The following MID1 variants were observed in gnomAD, a reference collection of about 807,000 sequenced individuals.
MID1 encodes midline 1.
In MID1, 7 loss-of-function variants were observed where a neutral mutation model predicts 40.4. That is an observed-to-expected ratio of 0.17 (90% CI 0.10 to 0.33). MID1 has a LOEUF of 0.33. MID1 is among the 10% of genes least tolerant of loss of function. The pLI is 1.00. For synonymous variants in MID1, 229 were observed against 221.2 expected (o/e 1.04, Z -0.31); for missense variants, 367 against 558.5 (o/e 0.66, Z 3.46).
chrX:10,819,638 T>C (rs2044161917), intron 1 of MID1, among the ~76,000 whole-genome samples: 1 of 111,905 alleles, frequency 8.9e-6, no homozygotes, highest in South Asian at 3.7e-4. Flanking sequence ...TCCATATTTG[T>C]TCTTTCTGGT....
Position 10,449,936 on chromosome X carries a change from G to A in MID1, c.1656-220C>T, listed in dbSNP as rs750630287. ...TGGAAAGTAGTGGGTGGAAAGAAGC[G>A]TCGTATTTACCCACATTTCTGTTTT... On this transcript the variant is annotated intron_variant, in intron 9 of 9. Transcript: ENST00000317552. Among the ~76,000 whole-genome samples the A allele has an allele frequency of 1.5e-4, 17 of 112,023 alleles. No individual in the cohort carries two copies. In the East Asian group the frequency reaches 1.7e-3, roughly 11 times the overall value.
At chrX:10,639,114 G>A (rs899249126) in intron 1 of MID1, among the ~76,000 whole-genome samples, 9 of 112,386 alleles carry the variant, frequency 8.0e-5, no homozygotes, top group African/African-American at 2.9e-4. Flanking sequence ...TCCTCCAAAG[G>A]AACGCAGGTC....
chrX:10,810,213 A>C (rs1293846092), intron 1 of MID1, among the ~76,000 whole-genome samples: 1 of 111,763 alleles, frequency 8.9e-6, no homozygotes, highest in Non-Finnish European at 1.9e-5. Flanking sequence ...TCTACTTTTT[A>C]TCTCTATGAA....
intron 1 of MID1, among the ~76,000 whole-genome samples, chrX:10,625,867 C>A (rs1935990273): frequency 9.0e-6 from 1 of 111,117 alleles, no homozygotes; most frequent in African/African-American, 3.3e-5. Flanking sequence ...AATAGAGGAA[C>A]CAACATAAAA....
At chrX:10,696,528 C>T (rs1289960525) in intron 1 of MID1, among the ~76,000 whole-genome samples, 1 of 111,787 alleles carries the variant, frequency 8.9e-6, no homozygotes, top group African/African-American at 3.3e-5. Context: ...CTACAACTCG[C>T]CTCAGTCTCT....
intron 1 of MID1, among the ~76,000 whole-genome samples, chrX:10,754,934 T>C (rs773533274): frequency 7.1e-5 from 8 of 112,545 alleles, no homozygotes; most frequent in African/African-American, 2.6e-4. Flanking sequence ...ACCCTTAAAA[T>C]ATGTTTTCGT....
chrX:10,810,390 A>G (rs1235107726), intron 1 of MID1, among the ~76,000 whole-genome samples: 2 of 111,958 alleles, frequency 1.8e-5, no homozygotes, highest in Admixed American at 9.5e-5. Context: ...TTGTATGGGT[A>G]TATCACATTT....
intron 1 of MID1, among the ~76,000 whole-genome samples, chrX:10,605,675 T>C (rs1047234743): frequency 8.9e-6 from 1 of 111,950 alleles, no homozygotes; most frequent in African/African-American, 3.2e-5. Context: ...TTATTTGCCA[T>C]GCTATGAAAC....
chrX:10,806,769 T>C (rs1199086127), intron 1 of MID1, among the ~76,000 whole-genome samples: 2 of 112,173 alleles, frequency 1.8e-5, no homozygotes, highest in African/African-American at 3.2e-5. Flanking sequence ...AACTGCTCCT[T>C]TCTGGTAACT....
chrX:10,506,370 G>T, intron 3 of MID1: 1 of 1,113,612 alleles, frequency 9.0e-7, no homozygotes, highest in Non-Finnish European at 1.2e-6. Flanking sequence ...GTACTGGGTA[G>T]GAAGTGAAAC....
At chrX:10,539,554 AAAC>A (rs1344694124) in intron 2 of MID1, among the ~76,000 whole-genome samples, 4 of 112,447 alleles carry the variant, frequency 3.6e-5, no homozygotes, top group Admixed American at 1.9e-4. Context: ...TCTGAATTCA[AAAC>A]AACAAGAACA....
chrX:10,520,123 A>C (rs1200567286), intron 3 of MID1, among the ~76,000 whole-genome samples: 1 of 112,087 alleles, frequency 8.9e-6, no homozygotes, highest in African/African-American at 3.2e-5. Context: ...TGAAATCTAT[A>C]AGAACTGGCT....
At chrX:10,609,720 T>C (rs925825773) in intron 1 of MID1, among the ~76,000 whole-genome samples, 10 of 99,266 alleles carry the variant, frequency 1.0e-4, no homozygotes, top group South Asian at 5.0e-4. Flanking sequence ...TCTTTCTTTT[T>C]TTTTTTTTTT....
chrX:10,692,495 T>C (rs2043137885), intron 1 of MID1, among the ~76,000 whole-genome samples: 1 of 110,887 alleles, frequency 9.0e-6, no homozygotes, highest in Non-Finnish European at 1.9e-5. Flanking sequence ...CGGGTGCCTA[T>C]AATCCCAGCT....
chrX:10,559,760 GC>G (rs1466149893), intron 2 of MID1, among the ~76,000 whole-genome samples: 2 of 111,549 alleles, frequency 1.8e-5, no homozygotes, highest in Non-Finnish European at 3.8e-5. Context: ...CTGTTGGAAT[GC>G]CCTACTAGAC....
intron 1 of MID1, among the ~76,000 whole-genome samples, chrX:10,822,919 C>T (rs181400211): frequency 8.9e-5 from 10 of 111,751 alleles, no homozygotes; most frequent in African/African-American, 3.3e-4. Flanking sequence ...TGTGGCAATT[C>T]CTCAAAGATC....
rs749604236 is a variant in MID1, at chrX:10,772,026, G to A, written c.-187+61528C>T. On this transcript the variant is annotated intron_variant, in intron 1 of 10. Transcript: ENST00000380785. ...CCCAGAGGAAAAGAAGTCATTATAC[G>A]AAAAAGATGCTTGCACACGCATGTT... is the stretch of plus-strand genomic sequence containing the variant. 5.4e-5 allele frequency among the ~76,000 whole-genome samples: 6 copies of A among 110,558 alleles called. No individual in the cohort carries two copies. In the South Asian group the frequency reaches 2.3e-3, roughly 43 times the overall value.
chrX:10,526,633 T>C (rs764151281), intron 2 of MID1, among the ~76,000 whole-genome samples: 7 of 111,637 alleles, frequency 6.3e-5, no homozygotes, highest in South Asian at 3.8e-4. Flanking sequence ...ATCCAACACA[T>C]TGAGATTTTA....
chrX:10,771,138 G>C (rs1032719312), intron 1 of MID1, among the ~76,000 whole-genome samples: 3 of 108,593 alleles, frequency 2.8e-5, no homozygotes, highest in African/African-American at 1.0e-4. Context: ...TTTTATACTT[G>C]AAAGCCTTAG....
Sources: allele counts gnomAD v4.1 joint callset (sites outside exome capture counted in the v4.1 genomes callset), GRCh38; gene constraint gnomAD v4.1.1; transcripts MANE v1.5; gene names NCBI Gene and HGNC (gene_info 2026-07-23, HGNC 2026-07-21).